The following GGPS1 variants were observed in gnomAD, a reference collection of about 807,000 sequenced individuals.
GGPS1 encodes geranylgeranyl diphosphate synthase 1.
GGPS1 carries 15 observed loss-of-function variants against 28.1 expected under a neutral mutation model. That is an observed-to-expected ratio of 0.53 (90% CI 0.36 to 0.82). The LOEUF (loss-of-function observed/expected upper bound fraction) is 0.82. Ranked by LOEUF, GGPS1 falls within the 40% of genes least tolerant of loss-of-function variation. The probability of loss-of-function intolerance (pLI) is 0.01; values close to 1 mark genes in which losing one functional copy is unlikely to be tolerated. For missense variants in GGPS1, 284 were observed against 348.3 expected, an observed-to-expected ratio of 0.82 and a Z score of 1.47; for synonymous variants, 138 against 122.4, an observed-to-expected ratio of 1.13 and a Z score of -0.84.
At chr1:235,339,280 C>G (rs544194026) in intron 2 of GGPS1, among the ~76,000 whole-genome samples, 1 of 151,698 alleles carries the variant, frequency 6.6e-6, no homozygotes, top group Admixed American at 6.6e-5. Flanking sequence ...GCCTGGGCAA[C>G]AAGAGCAAAA....
At position 235,335,392 on chromosome 1, in the gene GGPS1, A is replaced by G. The variant is rs551812048; in HGVS notation, c.70+58A>G. 1.3e-5 allele frequency: 10 copies of G among 773,266 alleles called. No homozygotes were observed. In the East Asian group the frequency reaches 2.0e-4, roughly 16 times the overall value. The allele number at this position is 773,266 out of a possible 1,614,324, so 47.9% of individuals were successfully genotyped here. A position where few individuals can be genotyped will look rare whatever the true frequency, so the allele number is the denominator to read the frequency against. On this transcript the variant is annotated intron_variant, in intron 2 of 3. Coordinates refer to ENST00000282841, the MANE Select transcript of GGPS1 (RefSeq NM_004837.4). ...TTTTCATGCAGTAGTGGTCGTTCAA[A>G]TGTTAGCAAATAGAAAAGGTTAGAC...
At chr1:235,332,642 T>C (rs2103340240) in intron 1 of GGPS1, among the ~76,000 whole-genome samples, 1 of 152,324 alleles carries the variant, frequency 6.6e-6, no homozygotes, top group South Asian at 2.1e-4. Flanking sequence ...TACTGAAATA[T>C]GTGCAAAAGT....
intron 1 of GGPS1, chr1:235,330,352 G>C (rs1675672514): frequency 2.6e-5 from 4 of 152,334 alleles, no homozygotes; most frequent in Admixed American, 2.0e-4. Flanking sequence ...GGGCAAGGTG[G>C]CGGGCGCCTG....
In GGPS1 at chr1:235,328,705, A is replaced by G. The variant is rs1261755659; in HGVS notation, c.-97A>G. On this transcript the variant is annotated 5_prime_UTR_variant, in exon 1 of 4. The change creates a new upstream start codon in the 5' untranslated region. Transcript: ENST00000282841. ...CGGGAAGAGCCTAAGTCCACATTAT[A>G]AAATAGGAAGTTGATGCGGGGTACA... 6.5e-6 allele frequency: 1 copy of G among 152,746 alleles called. No individual in the cohort carries two copies. The highest frequency in any genetic ancestry group is 1.5e-5 in the Non-Finnish European group (1 of 68,112). The allele number at this position is 152,746 out of a possible 1,614,324, so 9.5% of individuals were successfully genotyped here. A position where few individuals can be genotyped will look rare whatever the true frequency, so the allele number is the denominator to read the frequency against.
At chr1:235,339,360 C>T (rs865796854) in intron 2 of GGPS1, among the ~76,000 whole-genome samples, 2 of 151,876 alleles carry the variant, frequency 1.3e-5, no homozygotes, top group Admixed American at 6.6e-5. Context: ...CCCAGCTACT[C>T]GGGAGGCTGA....
intron 1 of GGPS1, chr1:235,329,358 C>G (rs1404592339): frequency 1.3e-5 from 2 of 152,296 alleles, no homozygotes; most frequent in Non-Finnish European, 2.9e-5. Flanking sequence ...CCTCTGCCTT[C>G]GTAGACCTGC....
intron 2 of GGPS1, among the ~76,000 whole-genome samples, chr1:235,340,980 T>C (rs1204533476): frequency 6.6e-6 from 1 of 152,110 alleles, no homozygotes; most frequent in African/African-American, 2.4e-5. Context: ...TAAAATATAT[T>C]TTATTAACAG....
chr1:235,340,523 T>G (rs1272673650), intron 2 of GGPS1, among the ~76,000 whole-genome samples: 1 of 148,708 alleles, frequency 6.7e-6, no homozygotes, highest in African/African-American at 2.5e-5. Flanking sequence ...GATCACGAGG[T>G]CAGGAGATCG....
chr1:235,333,261 C>A (rs1291244466), intron 1 of GGPS1, among the ~76,000 whole-genome samples: 1 of 151,720 alleles, frequency 6.6e-6, no homozygotes, highest in Non-Finnish European at 1.5e-5. Flanking sequence ...AAGTCTCTGG[C>A]CCAGACTTAG....
At chr1:235,340,444 A>AG (rs900188543) in intron 2 of GGPS1, among the ~76,000 whole-genome samples, 1 of 147,870 alleles carries the variant, frequency 6.8e-6, no homozygotes, top group African/African-American at 2.5e-5. Context: ...ACCCTGTCTC[A>AG]AAAAAAAAAG....
Position 235,340,172 on chromosome 1 carries a change from G to GT in GGPS1, c.71-1535dup, listed in dbSNP as rs149079475. ...AAAAGACCTATCTTGAGCTTTCCGT[G>GT]TAAGAAAAAGATGATACTGTTGGGT... is the stretch of plus-strand genomic sequence containing the variant. On this transcript the variant is annotated intron_variant, in intron 2 of 3. Transcript: ENST00000282841. 4.6e-5 allele frequency among the ~76,000 whole-genome samples: 7 copies of GT among 152,242 alleles called. No individual in the cohort carries two copies. The East Asian group carries it at 1.4e-3, about 29-fold the overall frequency.
chr1:235,335,088 T>C (rs1558325373), intron 1 of GGPS1, among the ~76,000 whole-genome samples, 154 bp from the exon 2 acceptor site: 5 of 152,232 alleles, frequency 3.3e-5, no homozygotes, highest in Admixed American at 2.6e-4. Flanking sequence ...GTGCTGGGAT[T>C]ACAGGCGTGA....
chr1:235,332,788 TGATCA>T (rs1172475678), intron 1 of GGPS1, among the ~76,000 whole-genome samples: 2 of 152,206 alleles, frequency 1.3e-5, no homozygotes, highest in African/African-American at 4.8e-5. Flanking sequence ...AGAGTATCAA[TGATCA>T]GATCATAGTA....
intron 2 of GGPS1, among the ~76,000 whole-genome samples, chr1:235,337,502 AAC>A (rs1340784443): frequency 6.6e-6 from 1 of 152,356 alleles, no homozygotes; most frequent in Non-Finnish European, 1.5e-5. Flanking sequence ...CTATGCACAT[AAC>A]ACACTTATTT....
At chr1:235,327,333 C>A (rs1284236186), upstream of GGPS1, 3 of 153,858 alleles carry the variant, frequency 1.9e-5, no homozygotes, top group East Asian at 1.9e-4. Context: ...CGCCCCCACG[C>A]GCCGCGTCCG....
At chr1:235,339,708 C>T (rs1246240242) in intron 2 of GGPS1, among the ~76,000 whole-genome samples, 2 of 149,272 alleles carry the variant, frequency 1.3e-5, no homozygotes, top group African/African-American at 2.5e-5. Flanking sequence ...TGCAGTGAGC[C>T]GAGATCACAC....
At chr1:235,340,797 C>T (rs1235781330) in intron 2 of GGPS1, among the ~76,000 whole-genome samples, 1 of 150,734 alleles carries the variant, frequency 6.6e-6, no homozygotes, top group East Asian at 1.9e-4. Flanking sequence ...AATAGATGTC[C>T]CTAGTCAAAA....
At chr1:235,333,172 A>G (rs1188660426) in intron 1 of GGPS1, among the ~76,000 whole-genome samples, 1 of 151,750 alleles carries the variant, frequency 6.6e-6, no homozygotes, top group Non-Finnish European at 1.5e-5. Flanking sequence ...CATGTAAGCA[A>G]CCTATTTCCA....
At chr1:235,339,038 G>A (rs966851542) in intron 2 of GGPS1, among the ~76,000 whole-genome samples, 5 of 151,916 alleles carry the variant, frequency 3.3e-5, no homozygotes, top group Admixed American at 2.0e-4. Flanking sequence ...GGTAGCTCAC[G>A]CATGTAATCC....
Sources: gnomAD v4.1 joint callset for allele counts (sites outside exome capture counted in the v4.1 genomes callset) on GRCh38, gnomAD v4.1.1 for gene constraint, MANE v1.5 for transcripts, NCBI Gene and HGNC (gene_info 2026-07-23, HGNC 2026-07-21) for gene names.